Variants in IL1RAPL1 observed in about 807,000 individuals in gnomAD.
IL1RAPL1 encodes interleukin-1 receptor accessory protein-like 1.
Under a neutral mutation model 48.4 loss-of-function variants are expected in IL1RAPL1, and 3 were observed. The observed-to-expected ratio is 0.06, with a 90% CI of 0.03 to 0.16. IL1RAPL1 has a LOEUF of 0.16. Ranked by LOEUF, IL1RAPL1 falls within the 10% of genes least tolerant of loss-of-function variation. The pLI is 1.00. For synonymous variants in IL1RAPL1, 185 were observed against 187.7 expected (o/e 0.99, Z 0.12); for missense variants, 349 against 530.6 (o/e 0.66, Z 3.36).
chrX:29,219,320 G>A (rs114175341), intron 2 of IL1RAPL1, among the ~76,000 whole-genome samples: 1,619 of 111,513 alleles, frequency 0.015, 26 homozygotes, highest in African/African-American at 0.045. Context: ...TTCTCTAAGT[G>A]TTTTTAAACA....
intron 5 of IL1RAPL1, among the ~76,000 whole-genome samples, chrX:29,507,614 C>G (rs1452488631): frequency 9.7e-6 from 1 of 103,295 alleles, no homozygotes; most frequent in African/African-American, 3.6e-5. Flanking sequence ...GGATGTGCAT[C>G]TTTATTCTTA....
intron 2 of IL1RAPL1, among the ~76,000 whole-genome samples, chrX:28,844,115 C>G (rs778203891): frequency 8.3e-5 from 9 of 108,206 alleles, no homozygotes; most frequent in Non-Finnish European, 1.5e-4. Flanking sequence ...TTTTCTCCCA[C>G]CAAGAGGTGG....
chrX:28,871,082 T>C lies in IL1RAPL1; in HGVS notation c.82+81657T>C, dbSNP rs766862765. ...GCATATTAAAAATGTAAAGGTTTAT[T>C]ATGGTTTTAGTCGGAGTTTATCCTT... On this transcript the variant is annotated intron_variant, in intron 2 of 10. Coordinates refer to ENST00000378993, the MANE Select transcript of IL1RAPL1 (RefSeq NM_014271.4). Among the ~76,000 whole-genome samples, 10 of 111,990 alleles carry C rather than the reference T, an allele frequency of 8.9e-5. 1 individual carries two copies. In the South Asian group the frequency reaches 3.7e-3, roughly 41 times the overall value.
chrX:28,895,782 C>T (rs975660023), intron 2 of IL1RAPL1, among the ~76,000 whole-genome samples: 3 of 111,335 alleles, frequency 2.7e-5, no homozygotes, highest in African/African-American at 9.8e-5. Context: ...ACTTACCCTC[C>T]ACTGTGGGAG....
At chrX:29,563,819 G>C (rs968972167) in intron 5 of IL1RAPL1, among the ~76,000 whole-genome samples, 1 of 111,961 alleles carries the variant, frequency 8.9e-6, no homozygotes, top group Admixed American at 9.5e-5. Context: ...AGTGAAATTG[G>C]CAATCCTGTA....
chrX:29,631,864 C>G (rs1207288049), intron 5 of IL1RAPL1, among the ~76,000 whole-genome samples: 1 of 111,447 alleles, frequency 9.0e-6, no homozygotes, highest in African/African-American at 3.3e-5. Flanking sequence ...CCACAAAACT[C>G]TATTCAAGTA....
intron 5 of IL1RAPL1, among the ~76,000 whole-genome samples, chrX:29,666,474 G>A (rs1602354026): frequency 9.2e-6 from 1 of 108,596 alleles, no homozygotes; most frequent in African/African-American, 3.4e-5. Flanking sequence ...CTTAATAACC[G>A]TGTAATTCTT....
intron 3 of IL1RAPL1, among the ~76,000 whole-genome samples, chrX:29,356,824 T>C (rs747864931): frequency 8.9e-6 from 1 of 111,788 alleles, no homozygotes; most frequent in South Asian, 3.7e-4. Flanking sequence ...TCTATTTCTG[T>C]GCTTTCCAGA....
intron 2 of IL1RAPL1, among the ~76,000 whole-genome samples, chrX:29,191,916 G>T (rs1168812132): frequency 9.0e-6 from 1 of 111,473 alleles, no homozygotes; most frequent in East Asian, 2.8e-4. Flanking sequence ...GACTACCCCA[G>T]CTCCTTGTCG....
intron 2 of IL1RAPL1, among the ~76,000 whole-genome samples, chrX:29,091,618 T>C (rs1928093428): frequency 9.0e-6 from 1 of 111,617 alleles, no homozygotes; most frequent in African/African-American, 3.3e-5. Flanking sequence ...TAAGAGTCAG[T>C]TGTGAAACCT....
chrX:29,344,857 C>G (rs1933130409), intron 3 of IL1RAPL1, among the ~76,000 whole-genome samples: 1 of 111,991 alleles, frequency 8.9e-6, no homozygotes, highest in Non-Finnish European at 1.9e-5. Context: ...AGGATGGTCT[C>G]GAACTCCTGA....
rs549927449 is a variant in IL1RAPL1 at position 28,800,177 on chromosome X, G to A, written c.82+10752G>A. ...GTTGTAGCTGCTACCATCTTCACATGGCCTTCCCCTCTGTGTCTTTAATCT... is the reference window on the plus strand; with the variant it reads ...GTTGTAGCTGCTACCATCTTCACATAGCCTTCCCCTCTGTGTCTTTAATCT... On this transcript the variant is annotated intron_variant, in intron 2 of 10. Transcript: ENST00000378993. 2.0e-4 allele frequency among the ~76,000 whole-genome samples: 22 copies of A among 111,402 alleles called. No individual in the cohort carries two copies. In the South Asian group the frequency reaches 7.6e-3, roughly 38 times the overall value.
At chrX:29,220,753 T>C (rs139771486) in intron 2 of IL1RAPL1, among the ~76,000 whole-genome samples, 12 of 111,502 alleles carry the variant, frequency 1.1e-4, no homozygotes, top group Non-Finnish European at 1.5e-4. Context: ...GTAGGAAAAA[T>C]AAAGGTAAGA....
chrX:28,661,815 G>C (rs79131928), intron 1 of IL1RAPL1, among the ~76,000 whole-genome samples: 22 of 112,067 alleles, frequency 2.0e-4, no homozygotes, highest in African/African-American at 7.1e-4. Context: ...TGTTAAGCCT[G>C]TGTCCTTCTG....
chrX:28,960,287 C>T (rs1924733399), intron 2 of IL1RAPL1, among the ~76,000 whole-genome samples: 7 of 111,324 alleles, frequency 6.3e-5, no homozygotes, highest in Admixed American at 3.8e-4. Flanking sequence ...GTTCAAAAAG[C>T]ATTAGGAAAA....
chrX:28,898,039 T>C (rs1183039605), intron 2 of IL1RAPL1, among the ~76,000 whole-genome samples: 2 of 111,370 alleles, frequency 1.8e-5, no homozygotes, highest in East Asian at 5.7e-4. Context: ...GGAATGTCAT[T>C]AGTTAAGGCA....
At chrX:29,925,412 GTTTTTTTTTTTTTTTTTT>G (rs763481708) in intron 8 of IL1RAPL1, among the ~76,000 whole-genome samples, 14 of 11,466 alleles carry the variant, frequency 1.2e-3, no homozygotes, top group South Asian at 0.016. Context: ...TCCCGTAACT[GTTTTTTTTTTTTTTTTTT>G]TTTTTTTTTT....
intron 1 of IL1RAPL1, among the ~76,000 whole-genome samples, chrX:28,688,572 A>G (rs918657620): frequency 9.0e-6 from 1 of 111,576 alleles, no homozygotes. Flanking sequence ...TTTTATTCTC[A>G]TCACAATTCT....
At chrX:29,808,915 A>T (rs1038142112) in intron 6 of IL1RAPL1, among the ~76,000 whole-genome samples, 18 of 110,798 alleles carry the variant, frequency 1.6e-4, no homozygotes, top group African/African-American at 5.6e-4. Context: ...TTTATATGCC[A>T]GCCTGTATAG....
Sources: allele counts gnomAD v4.1 joint callset (sites outside exome capture counted in the v4.1 genomes callset), GRCh38; gene constraint gnomAD v4.1.1; transcripts MANE v1.5; gene names NCBI Gene and HGNC (gene_info 2026-07-23, HGNC 2026-07-21).